MYCBP2: variants seen among roughly 807,000 people sequenced by gnomAD.
MYCBP2 encodes E3 ubiquitin-protein ligase MYCBP2.
Under a neutral mutation model 525.3 loss-of-function variants are expected in MYCBP2, and 120 were observed. That is an observed-to-expected ratio of 0.23 (90% confidence interval 0.20 to 0.27). The LOEUF (loss-of-function observed/expected upper bound fraction) is 0.27. Among genes scored for constraint, MYCBP2 ranks in the 10% least tolerant of loss-of-function variants. The pLI is 1.00. For missense variants in MYCBP2, 4,149 were observed against 5,657.1 expected (o/e 0.73, Z 8.55); for synonymous variants, 1,894 against 1,955.8 (o/e 0.97, Z 0.83).
At chr13:77,134,618 A>G (rs1384071551) in intron 52 of MYCBP2, among the ~76,000 whole-genome samples, 1 of 152,090 alleles carries the variant, frequency 6.6e-6, no homozygotes, top group Non-Finnish European at 1.5e-5. Context: ...AAAAGGGCAA[A>G]AAGTTCTACA....
At chr13:77,268,222 A>C (rs1488767937) in intron 7 of MYCBP2, among the ~76,000 whole-genome samples, 1 of 152,240 alleles carries the variant, frequency 6.6e-6, no homozygotes, top group Non-Finnish European at 1.5e-5. Context: ...CCACTTGCCA[A>C]GTAAATAATA....
rs926692134 is a variant in MYCBP2, at chr13:77,188,604, T to A, written c.4251+347A>T. 4.0e-4 allele frequency among the ~76,000 whole-genome samples: 61 copies of A among 152,218 alleles called. 1 individual carries two copies. Among genetic ancestry groups the A allele is most frequent in the Non-Finnish European group, 7.3e-5 (5 of 68,036 alleles). ...CTCTTCCACCTAGTTCCTCAAGTAG[T>A]AATCACGCTTTTTTGGGCCAGCACC... On this transcript the variant is annotated intron_variant, in intron 30 of 82. Coordinates refer to ENST00000544440, the MANE Select transcript of MYCBP2 (RefSeq NM_015057.5).
chr13:77,165,528 C>T, intron 41 of MYCBP2, 137 bp from the exon 42 acceptor site: 2 of 628,050 alleles, frequency 3.2e-6, no homozygotes, highest in South Asian at 4.4e-5. Context: ...CTTAAATAGA[C>T]TTGCGGCGGG....
chr13:77,260,677 C>A (rs2073115204), intron 12 of MYCBP2, 85 bp from the exon 13 acceptor site: 6 of 1,152,934 alleles, frequency 5.2e-6, no homozygotes, highest in East Asian at 2.8e-5. Flanking sequence ...AAAAAAAAAA[C>A]CCATATTATT....
At chr13:77,151,608 T>C (rs760697486) in intron 46 of MYCBP2, among the ~76,000 whole-genome samples, 2 of 152,174 alleles carry the variant, frequency 1.3e-5, no homozygotes, top group Non-Finnish European at 2.9e-5. Context: ...CTCTACAGTA[T>C]AGATGCAAAA....
At chr13:77,191,090 G>A (rs2061252763) in intron 28 of MYCBP2, among the ~76,000 whole-genome samples, 1 of 152,062 alleles carries the variant, frequency 6.6e-6, no homozygotes, top group African/African-American at 2.4e-5. Flanking sequence ...ATGACTCTCA[G>A]GAAATAGCAA....
rs1005222767 is a variant in MYCBP2 at position 77,097,656 on chromosome 13, A to G, written c.9498T>C (p.Phe3166=). Residue 3166 remains phenylalanine (F), a synonymous_variant, in exon 56 of 83, where the codon TTT becomes TTC. Transcript: ENST00000544440. The part of the protein sequence containing the change: ...LPLTLQHLVA[F]WEDISLATIK... Reference sequence around the variant, plus strand: ...TAGTAGCCAAAGAGATGTCTTCCCAAAAAGCCACTAAATGTTGTAAAGTTA... The same window carrying G: ...TAGTAGCCAAAGAGATGTCTTCCCAGAAAGCCACTAAATGTTGTAAAGTTA... 3 of 1,613,680 alleles carry G rather than the reference A, an allele frequency of 1.9e-6. No homozygotes were observed. In the African/African-American group the frequency reaches 4.0e-5, roughly 22 times the overall value.
intron 24 of MYCBP2, among the ~76,000 whole-genome samples, chr13:77,206,313 A>G (rs1034435312): frequency 1.3e-5 from 2 of 150,320 alleles, no homozygotes; most frequent in African/African-American, 2.4e-5. Flanking sequence ...ATTTTATAGA[A>G]TTTATTTAAC....
intron 1 of MYCBP2, among the ~76,000 whole-genome samples, chr13:77,308,767 A>T (rs1777497017): frequency 6.6e-6 from 1 of 152,226 alleles, no homozygotes; most frequent in Non-Finnish European, 1.5e-5. Context: ...ACATATTATG[A>T]AGCCAGTTAC....
At chr13:77,258,980 C>T (rs893741905) in intron 13 of MYCBP2, among the ~76,000 whole-genome samples, 3 of 152,110 alleles carry the variant, frequency 2.0e-5, no homozygotes, top group Admixed American at 6.5e-5. Flanking sequence ...AAGGGCCATG[C>T]GCGGTGGCTC....
intron 54 of MYCBP2, 32 bp downstream of exon 54, chr13:77,125,304 T>C (rs1428517579): frequency 6.2e-7 from 1 of 1,612,492 alleles, no homozygotes; most frequent in Admixed American, 1.7e-5. Flanking sequence ...GAAAGCTTAA[T>C]TGGAATAAAT....
intron 15 of MYCBP2, among the ~76,000 whole-genome samples, chr13:77,246,815 A>T (rs1347669297): frequency 6.6e-6 from 1 of 152,210 alleles, no homozygotes; most frequent in Non-Finnish European, 1.5e-5. Context: ...GGAATGCAAC[A>T]AATGAAAATC....
At chr13:77,179,749 C>T (rs1396343607) in intron 34 of MYCBP2, among the ~76,000 whole-genome samples, 1 of 152,188 alleles carries the variant, frequency 6.6e-6, no homozygotes, top group East Asian at 1.9e-4. Flanking sequence ...GTCTAAACCT[C>T]ATTACCTTTC....
At chr13:77,236,423 GATAT>G (rs984508695) in intron 17 of MYCBP2, among the ~76,000 whole-genome samples, 2 of 152,026 alleles carry the variant, frequency 1.3e-5, no homozygotes, top group African/African-American at 4.8e-5. Flanking sequence ...AGCTCTTGGT[GATAT>G]ATTTCAAGAT....
Position 77,176,519 on chromosome 13 carries a change from A to G in MYCBP2, c.5450T>C (p.Leu1817Pro). ...TACCTTTAAAGGAACCACTTTGTCA[A>G]GTCTGATCTCAGCTATATCACTGGG... ...DSPSDIAEIR[L>P]DKVVPLKENV... Residue 1817 changes from leucine to proline, a missense_variant, in exon 36 of 83, where the codon CTT becomes CCT. Leu to Pro is a moderately conservative substitution (Grantham distance 98). Around this residue, in one of 21 missense-constraint regions of MYCBP2, gnomAD observed 109 missense variants for 118.9 expected, o/e 0.92. Transcript: ENST00000544440. 6.3e-7 allele frequency: 1 copy of G among 1,585,536 alleles called. No homozygotes were observed. Among genetic ancestry groups the G allele is most frequent in the Admixed American group, 1.7e-5 (1 of 59,402 alleles).
At chr13:77,213,195 C>T (rs185255241) in intron 21 of MYCBP2, among the ~76,000 whole-genome samples, 3 of 152,306 alleles carry the variant, frequency 2.0e-5, no homozygotes, top group African/African-American at 7.2e-5. Flanking sequence ...TAAACAGGGG[C>T]CAGGTGCAGT....
At chr13:77,299,391 C>T (rs1329545074) in intron 1 of MYCBP2, among the ~76,000 whole-genome samples, 2 of 152,110 alleles carry the variant, frequency 1.3e-5, no homozygotes, top group Non-Finnish European at 2.9e-5. Flanking sequence ...TACAGGCCAT[C>T]CAAGAACTAG....
In MYCBP2 at chr13:77,326,395, A is replaced by ACACACGCGGGTG; in HGVS notation, c.302+67_302+78dup. The ACACACGCGGGTG allele has an allele frequency of 7.2e-7, 1 of 1,381,760 alleles. No homozygotes were observed. Among genetic ancestry groups the ACACACGCGGGTG allele is most frequent in the East Asian group, 2.6e-5 (1 of 37,800 alleles). The allele number at this position is 1,381,760 out of a possible 1,614,324, so 85.6% of individuals were successfully genotyped here. ...CGCAGGTACACACACGCAAGCACAC[A>ACACACGCGGGTG]CACACGCGGGTGCACGCGCGGCATG... On this transcript the variant is annotated intron_variant, in intron 1 of 82. Transcript: ENST00000544440. The surrounding 1 kb of genome is among the most constrained non-coding windows in gnomAD (Gnocchi z 4.2).
intron 13 of MYCBP2, among the ~76,000 whole-genome samples, chr13:77,258,513 G>C (rs913513053): frequency 6.6e-6 from 1 of 152,022 alleles, no homozygotes; most frequent in African/African-American, 2.4e-5. Flanking sequence ...ATGTTATCAA[G>C]TATTTGTTTT....
Sources: allele counts gnomAD v4.1 joint callset (sites outside exome capture counted in the v4.1 genomes callset), GRCh38; gene constraint gnomAD v4.1.1; regional missense constraint gnomAD v4.1.1; non-coding constraint Gnocchi (gnomAD v3.1); transcripts MANE v1.5; gene names NCBI Gene and HGNC (gene_info 2026-07-23, HGNC 2026-07-21).